CNKSR2: variants seen among roughly 807,000 people sequenced by gnomAD.
CNKSR2 encodes CNK homolog protein 2.
CNKSR2 carries 14 observed loss-of-function variants against 84.4 expected under a neutral mutation model. The observed-to-expected ratio is 0.17, with a 90% CI of 0.11 to 0.26. The LOEUF (loss-of-function observed/expected upper bound fraction) is 0.26, where lower values mean the gene tolerates loss of function less well. Ranked by LOEUF, CNKSR2 falls within the 10% of genes least tolerant of loss-of-function variation. The pLI is 1.00. For synonymous variants in CNKSR2, 275 were observed against 277.9 expected, an observed-to-expected ratio of 0.99 and a Z score of 0.10; for missense variants, 485 against 771.2, an observed-to-expected ratio of 0.63 and a Z score of 4.40.
intron 9 of CNKSR2, among the ~76,000 whole-genome samples, chrX:21,523,759 T>C (rs948326586): frequency 9.0e-6 from 1 of 110,897 alleles, no homozygotes; most frequent in African/African-American, 3.2e-5. Context: ...TTAATGCCAC[T>C]TGTTACAACT....
intron 11 of CNKSR2, among the ~76,000 whole-genome samples, chrX:21,544,787 T>G (rs915317682): frequency 9.2e-6 from 1 of 108,958 alleles, no homozygotes. Flanking sequence ...GCACAAGGGG[T>G]CGGGGACCTC....
At chrX:21,607,443 A>G (rs2092524196) in intron 19 of CNKSR2, among the ~76,000 whole-genome samples, 4 of 111,393 alleles carry the variant, frequency 3.6e-5, no homozygotes, top group Admixed American at 9.5e-5. Flanking sequence ...GGACTGTCCC[A>G]CTTTATGGCC....
At chrX:21,650,513 C>T (rs1240921505) in intron 21 of CNKSR2, among the ~76,000 whole-genome samples, 2 of 108,475 alleles carry the variant, frequency 1.8e-5, no homozygotes, top group South Asian at 4.1e-4. Context: ...CACCATGGCA[C>T]GTGTATACAT....
intron 20 of CNKSR2, among the ~76,000 whole-genome samples, chrX:21,616,064 A>G (rs773314227): frequency 1.4e-3 from 161 of 111,618 alleles, no homozygotes; most frequent in Non-Finnish European, 2.4e-3. Context: ...TTATTTATAG[A>G]TCTTGTCATT....
intron 11 of CNKSR2, among the ~76,000 whole-genome samples, chrX:21,554,786 A>G (rs1235797682): frequency 1.8e-5 from 2 of 111,303 alleles, no homozygotes; most frequent in African/African-American, 3.3e-5. Context: ...TAGTGCTGCA[A>G]TGAACATACA....
Position 21,374,820 on chromosome X carries a change from C to G in CNKSR2, c.-78C>G. 1.1e-6 allele frequency: 1 copy of G among 923,926 alleles called. No individual in the cohort carries two copies. Among genetic ancestry groups the G allele is most frequent in the Non-Finnish European group, 1.6e-6 (1 of 633,372 alleles). The allele number at this position is 923,926 out of a possible 1,213,427, so 76.1% of individuals were successfully genotyped here. A position where few individuals can be genotyped will look rare whatever the true frequency, so the allele number is the denominator to read the frequency against. The stretch of plus-strand genomic sequence containing the variant: ...GGGAGGCTGCGGCCAGCAAGGGACC[C>G]CACCTGAGAGCAGCTCGGGCTGCTG... On this transcript the variant is annotated 5_prime_UTR_variant, in exon 1 of 22. Transcript: ENST00000379510.
In CNKSR2 at chrX:21,566,694, T is replaced by C. The variant is rs921359956; in HGVS notation, c.1608+3242T>C. 6.3e-5 allele frequency among the ~76,000 whole-genome samples: 7 copies of C among 111,487 alleles called. No individual in the cohort carries two copies. In the Admixed American group the frequency reaches 6.7e-4, roughly 11 times the overall value. On this transcript the variant is annotated intron_variant, in intron 13 of 21. Transcript: ENST00000379510. ...GTATGAATTTAATAGCAAGATAATA[T>C]CATCATTAAATCCCCTTAAACGGCA...
chrX:21,408,612 C>T (rs1278750972), intron 1 of CNKSR2, among the ~76,000 whole-genome samples: 2 of 111,528 alleles, frequency 1.8e-5, no homozygotes, highest in Non-Finnish European at 3.8e-5. Flanking sequence ...CTCCACTCCA[C>T]TCCACGTTCT....
chrX:21,462,714 ATTT>A (rs765249371), intron 4 of CNKSR2, among the ~76,000 whole-genome samples: 1 of 92,132 alleles, frequency 1.1e-5, no homozygotes. Context: ...TATACCCAGT[ATTT>A]TTTTTTTTTT....
intron 13 of CNKSR2, among the ~76,000 whole-genome samples, chrX:21,565,965 A>G (rs1192720852): frequency 8.9e-6 from 1 of 111,907 alleles, no homozygotes; most frequent in African/African-American, 3.2e-5. Context: ...TGCAAAAAAA[A>G]ATACAAGTAC....
chrX:21,503,225 A>G, intron 8 of CNKSR2: 3 of 294,264 alleles, frequency 1.0e-5, no homozygotes, highest in Non-Finnish European at 1.8e-5. Context: ...GAATGTGTAA[A>G]TGCATCTTTA....
Position 21,652,411 on chromosome X carries a change from G to C in CNKSR2, c.2995G>C (p.Asp999His). The C allele has an allele frequency of 8.3e-7, 1 of 1,207,673 alleles. No individual in the cohort carries two copies. Among genetic ancestry groups the C allele is most frequent in the Non-Finnish European group, 1.1e-6 (1 of 891,944 alleles). Residue 999 changes from aspartate to histidine, a missense_variant, in exon 22 of 22, where the codon GAT becomes CAT. Asp to His is a moderately conservative substitution (Grantham distance 81, BLOSUM62 -1). This residue lies in a region of CNKSR2 where 210 missense variants were observed against 291.5 expected (regional missense o/e 0.72). Coordinates refer to ENST00000379510, the MANE Select transcript of CNKSR2 (RefSeq NM_014927.5). ...GCAGATGTACCTCGACCTTTTCTTGGATATCTGTCAAAATACCACCTCAAA... is the reference window on the plus strand; with the variant it reads ...GCAGATGTACCTCGACCTTTTCTTGCATATCTGTCAAAATACCACCTCAAA... ...WKQMYLDLFL[D>H]ICQNTTSNDP...
intron 13 of CNKSR2, among the ~76,000 whole-genome samples, chrX:21,583,634 CA>C (rs2092367362): frequency 8.9e-6 from 1 of 112,012 alleles, no homozygotes; most frequent in Non-Finnish European, 1.9e-5. Context: ...GCTATTACTG[CA>C]ACAAGAGAGT....
intron 17 of CNKSR2, among the ~76,000 whole-genome samples, chrX:21,599,375 TGTGTGTGTGA>T (rs1265988999): frequency 1.9e-5 from 2 of 106,939 alleles, no homozygotes; most frequent in African/African-American, 7.0e-5. Flanking sequence ...TGTGTGTGTG[TGTGTGTGTGA>T]GATGGAGTCT....
chrX:21,423,329 T>C (rs764265351), intron 1 of CNKSR2: 7 of 111,051 alleles, frequency 6.3e-5, no homozygotes, highest in Non-Finnish European at 1.3e-4. Context: ...ATCCCAGGCA[T>C]GGTCCCTAAA....
chrX:21,458,914 T>A (rs1214140489), intron 4 of CNKSR2, among the ~76,000 whole-genome samples: 1 of 111,072 alleles, frequency 9.0e-6, no homozygotes, highest in East Asian at 2.8e-4. Flanking sequence ...TTGCTTTTGT[T>A]GTTCTTCAGC....
chrX:21,451,895 T>G (rs893965254), intron 4 of CNKSR2, among the ~76,000 whole-genome samples: 1 of 111,371 alleles, frequency 9.0e-6, no homozygotes, highest in Non-Finnish European at 1.9e-5. Context: ...GTAAAGCTAG[T>G]AGAGTTATCT....
intron 11 of CNKSR2, among the ~76,000 whole-genome samples, chrX:21,549,957 A>T (rs893014500): frequency 1.8e-5 from 2 of 112,391 alleles, no homozygotes; most frequent in Non-Finnish European, 3.8e-5. Flanking sequence ...ACCTAAAACC[A>T]TAAAAACCCT....
chrX:21,503,070 A>G (rs1377924454), intron 8 of CNKSR2, among the ~76,000 whole-genome samples: 3 of 111,691 alleles, frequency 2.7e-5, no homozygotes, highest in African/African-American at 9.7e-5. Flanking sequence ...GATAGAGATT[A>G]GTCTCTAATA....
Sources: allele counts gnomAD v4.1 joint callset (sites outside exome capture counted in the v4.1 genomes callset), GRCh38; gene constraint gnomAD v4.1.1; regional missense constraint gnomAD v4.1.1; transcripts MANE v1.5; gene names NCBI Gene and HGNC (gene_info 2026-07-23, HGNC 2026-07-21).